The following NCOR1 variants were observed in gnomAD, a reference collection of about 807,000 sequenced individuals.
The protein encoded by NCOR1 is nuclear receptor corepressor 1, also known as protein phosphatase 1, regulatory subunit 109.
A neutral mutation model predicts 288.1 loss-of-function variants in NCOR1; 63 were observed. The ratio of observed to expected loss-of-function variants is 0.22; its 90% CI spans 0.18 to 0.27. The LOEUF (loss-of-function observed/expected upper bound fraction) is 0.27. Ranked by LOEUF, NCOR1 falls within the 10% of genes least tolerant of loss-of-function variation. NCOR1 has a pLI of 1.00. For missense variants in NCOR1, 2,397 were observed against 3,019.2 expected, an observed-to-expected ratio of 0.79 and a Z score of 4.83; for synonymous variants, 1,007 against 1,065.9, an observed-to-expected ratio of 0.94 and a Z score of 1.08.
intron 18 of NCOR1, among the ~76,000 whole-genome samples, chr17:16,116,725 T>C (rs1157433473): frequency 6.9e-6 from 1 of 145,676 alleles, no homozygotes; most frequent in Non-Finnish European, 1.5e-5. Flanking sequence ...GAGCAGAACT[T>C]TATGTTTACT....
chr17:16,076,896 C>G (rs2062542663), intron 26 of NCOR1, among the ~76,000 whole-genome samples: 1 of 152,214 alleles, frequency 6.6e-6, no homozygotes, highest in African/African-American at 2.4e-5. Context: ...GCACTGAAAA[C>G]TGCAATGCCT....
chr17:16,210,875 G>C (rs2092058246), intron 1 of NCOR1, among the ~76,000 whole-genome samples: 2 of 152,002 alleles, frequency 1.3e-5, no homozygotes, highest in Admixed American at 1.3e-4. Context: ...CACTACAGGT[G>C]CGTGCCATCA....
chr17:16,042,380 TGAA>T (rs1238559393), intron 42 of NCOR1, among the ~76,000 whole-genome samples: 8 of 152,240 alleles, frequency 5.3e-5, no homozygotes, highest in Non-Finnish European at 1.0e-4. Context: ...AATGGTCAGA[TGAA>T]GACAATTTCC....
Position 16,101,285 on chromosome 17 carries a change from A to G in NCOR1, c.2655T>C (p.Ala885=). The G allele has an allele frequency of 1.2e-6, 2 of 1,609,746 alleles. No individual in the cohort carries two copies. Among genetic ancestry groups the G allele is most frequent in the Non-Finnish European group, 1.7e-6 (2 of 1,178,000 alleles). Residue 885 remains alanine, a synonymous_variant, in exon 20 of 46, where the codon GCT becomes GCC. Coordinates refer to ENST00000268712, the MANE Select transcript of NCOR1 (RefSeq NM_006311.4). ...CTGGCTCTCCATCCACATCCTCATCAGCGCTGCACGTGGCACTGGAATCAT... is the reference window on the plus strand; with the variant it reads ...CTGGCTCTCCATCCACATCCTCATCGGCGCTGCACGTGGCACTGGAATCAT... ...SDNDSSATCS[A]DEDVDGEPER...
chr17:16,070,073 T>C (rs2152718602), intron 31 of NCOR1, 92 bp downstream of exon 31: 1 of 1,462,364 alleles, frequency 6.8e-7, no homozygotes, highest in Non-Finnish European at 9.1e-7. Context: ...ACTCTAAAGC[T>C]GACAATTTGA....
intron 5 of NCOR1, among the ~76,000 whole-genome samples, chr17:16,161,189 C>T (rs1198351108): frequency 6.6e-6 from 1 of 151,384 alleles, no homozygotes; most frequent in Non-Finnish European, 1.5e-5. Flanking sequence ...AGCCCTGGGA[C>T]AAAACCATTA....
At chr17:16,090,309 ACTT>A (rs151010719) in intron 22 of NCOR1, among the ~76,000 whole-genome samples, 1 of 152,256 alleles carries the variant, frequency 6.6e-6, no homozygotes, top group East Asian at 1.9e-4. Context: ...AACTTTTACT[ACTT>A]CTTCACAAAA....
At chr17:16,197,524 A>C (rs1390443376) in intron 1 of NCOR1, among the ~76,000 whole-genome samples, 1 of 152,164 alleles carries the variant, frequency 6.6e-6, no homozygotes, top group Non-Finnish European at 1.5e-5. Flanking sequence ...GCAAATCTTA[A>C]GGATTGTAAG....
intron 21 of NCOR1, among the ~76,000 whole-genome samples, chr17:16,097,203 G>A (rs1186615381): frequency 6.6e-6 from 1 of 152,206 alleles, no homozygotes; most frequent in Non-Finnish European, 1.5e-5. Flanking sequence ...ATTGCCTCAG[G>A]ATAAGGGCTG....
chr17:16,127,557 GTATA>G lies in NCOR1; in HGVS notation c.1510-1355_1510-1352del, dbSNP rs1313507447. 5.0e-5 allele frequency among the ~76,000 whole-genome samples: 7 copies of G among 140,118 alleles called. No homozygotes were observed. In the East Asian group the frequency reaches 9.0e-4, roughly 18 times the overall value. 91.9% of individuals were successfully genotyped at this position (140,118 alleles called of 152,430 possible). ...TATCTGCATGTATATATACACATGT[GTATA>G]TATGTATGTATATATACATATGTGT... On this transcript the variant is annotated intron_variant, in intron 14 of 45. Coordinates refer to ENST00000268712, the MANE Select transcript of NCOR1 (RefSeq NM_006311.4).
chr17:16,173,426 G>C (rs2083479233), intron 3 of NCOR1, among the ~76,000 whole-genome samples: 1 of 151,544 alleles, frequency 6.6e-6, no homozygotes, highest in South Asian at 2.1e-4. Context: ...GAAAGAAAAA[G>C]AAATAAAAGG....
intron 3 of NCOR1, among the ~76,000 whole-genome samples, chr17:16,172,762 T>C (rs2083364321): frequency 6.6e-6 from 1 of 152,170 alleles, no homozygotes; most frequent in South Asian, 2.1e-4. Flanking sequence ...TTACAGGATG[T>C]ATTGTTGAGT....
intron 30 of NCOR1, 60 bp from the exon 31 acceptor site, chr17:16,070,585 A>G: frequency 6.4e-7 from 1 of 1,572,106 alleles, no homozygotes; most frequent in Non-Finnish European, 8.6e-7. Context: ...TTTCTATCTC[A>G]GGTCTATGTC....
rs2072950078 is a variant in NCOR1 at position 16,121,250 on chromosome 17, C to A, written c.1654G>T (p.Asp552Tyr). 1 of 1,613,320 alleles carries A rather than the reference C, an allele frequency of 6.2e-7. No homozygotes were observed. The highest frequency in any genetic ancestry group is 8.5e-7 in the Non-Finnish European group (1 of 1,179,872). The change falls in exon 16 of 46, where the codon GAC becomes TAC. Residue 552 changes from aspartate to tyrosine, a missense_variant. Transcript: ENST00000268712. ...TCTTCTGCTGTACCATCTATCTTGT[C>A]CTTTTCCTTGGTATTTTCTCTGGAC... Reference protein sequence around the residue: ...EDSKENTKEKDKIDGTAEETE... With the variant: ...EDSKENTKEKYKIDGTAEETE...
intron 2 of NCOR1, chr17:16,192,132 T>G (rs2088527377): frequency 6.9e-6 from 1 of 144,696 alleles, no homozygotes; most frequent in African/African-American, 2.6e-5. Flanking sequence ...CTAGGCAACA[T>G]AGCAAGGCAC....
chr17:16,147,195 G>C (rs968674823), intron 9 of NCOR1, among the ~76,000 whole-genome samples: 2 of 152,170 alleles, frequency 1.3e-5, no homozygotes, highest in African/African-American at 4.8e-5. Flanking sequence ...TGGATCACAA[G>C]GTCAGGAGTT....
Position 16,139,071 on chromosome 17 carries a change from A to G in NCOR1, c.1289T>C (p.Val430Ala), listed in dbSNP as rs1475988077. 6.2e-7 allele frequency: 1 copy of G among 1,611,144 alleles called. No individual in the cohort carries two copies. The highest frequency in any genetic ancestry group is 8.5e-7 in the Non-Finnish European group (1 of 1,178,526). Residue 430 changes from valine (V) to alanine (A), a missense_variant, in exon 12 of 46, where the codon GTG becomes GCG. This residue lies in a region of NCOR1 where 80 missense variants were observed against 100.3 expected (regional missense o/e 0.80). Coordinates refer to ENST00000268712, the MANE Select transcript of NCOR1 (RefSeq NM_006311.4). ...ATTCATAAACTGCCTATCTTTATAC[A>G]CTTTCATAGGGTCCTCCATAAGCCC... Reference protein sequence around the residue: ...MNGLMEDPMKVYKDRQFMNVW... With the variant: ...MNGLMEDPMKAYKDRQFMNVW...
chr17:16,155,256 CG>C (rs2079534328), intron 6 of NCOR1, among the ~76,000 whole-genome samples: 1 of 150,330 alleles, frequency 6.7e-6, no homozygotes, highest in Non-Finnish European at 1.5e-5. Flanking sequence ...GAGGCTGAGG[CG>C]GGAGAATCAC....
intron 14 of NCOR1, among the ~76,000 whole-genome samples, chr17:16,134,400 A>C (rs866509604): frequency 6.6e-6 from 1 of 152,234 alleles, no homozygotes; most frequent in African/African-American, 2.4e-5. Flanking sequence ...AGCCTACCAG[A>C]AGTGCTGACC....
Sources: allele counts gnomAD v4.1 joint callset (sites outside exome capture counted in the v4.1 genomes callset), GRCh38; gene constraint gnomAD v4.1.1; regional missense constraint gnomAD v4.1.1; transcripts MANE v1.5; gene names NCBI Gene and HGNC (gene_info 2026-07-23, HGNC 2026-07-21).